The following GPHN variants were observed in gnomAD, a reference collection of about 807,000 sequenced individuals.
GPHN encodes the protein gephyrin.
A neutral mutation model predicts 95.5 loss-of-function variants in GPHN; 17 were observed. The ratio of observed to expected loss-of-function variants is 0.18; its 90% confidence interval spans 0.12 to 0.27. The LOEUF is 0.27. Ranked by LOEUF, GPHN falls within the 10% of genes least tolerant of loss-of-function variation. The pLI is 1.00. For synonymous variants in GPHN, 320 were observed against 322.5 expected (o/e 0.99, Z 0.08); for missense variants, 660 against 978.1 (o/e 0.67, Z 4.34).
the GPHN span, among the ~76,000 whole-genome samples, chr14:67,653,079 G>A: frequency 2.0e-5 from 3 of 152,112 alleles, no homozygotes; most frequent in African/African-American, 7.2e-5. Context: ...ATGAGCCACC[G>A]CACGGGGCTG....
chr14:67,594,049 T>C, the GPHN span: 2 of 781,942 alleles, frequency 2.6e-6, no homozygotes, highest in Admixed American at 2.2e-5. Flanking sequence ...AGGAAATTGC[T>C]TTTATTTGGG....
the GPHN span, among the ~76,000 whole-genome samples, chr14:67,598,713 C>CGTT: frequency 1.4e-5 from 2 of 144,390 alleles, no homozygotes; most frequent in African/African-American, 5.1e-5. Context: ...TATGAACAAA[C>CGTT]TTTTTTTTTT....
At chr14:67,420,138 A>C in the GPHN span, among the ~76,000 whole-genome samples, 1 of 152,292 alleles carries the variant, frequency 6.6e-6, no homozygotes, top group East Asian at 1.9e-4. Flanking sequence ...TGCCCTCTGA[A>C]AGTCCCAGCT....
the GPHN span, among the ~76,000 whole-genome samples, chr14:67,353,292 G>C: frequency 6.6e-6 from 1 of 152,124 alleles, no homozygotes; most frequent in Non-Finnish European, 1.5e-5. Context: ...GGGTCATCTG[G>C]GATCTGCCCT....
chr14:67,184,129 G>C (rs938299086), downstream of GPHN, among the ~76,000 whole-genome samples: 3 of 152,114 alleles, frequency 2.0e-5, no homozygotes, highest in Non-Finnish European at 4.4e-5. Context: ...TCAGCCTACA[G>C]TCTATCTTCT....
the GPHN span, among the ~76,000 whole-genome samples, chr14:67,553,134 T>G: frequency 6.6e-6 from 1 of 151,410 alleles, no homozygotes; most frequent in East Asian, 1.9e-4. Context: ...TTCCATCAGA[T>G]GAAGTCAGAA....
chr14:67,700,532 G>A, the GPHN span, among the ~76,000 whole-genome samples: 1 of 150,776 alleles, frequency 6.6e-6, no homozygotes, highest in African/African-American at 2.4e-5. Flanking sequence ...TGGCTAACAC[G>A]ATGAAACCCC....
At chr14:67,640,864 T>C in the GPHN span, among the ~76,000 whole-genome samples, 2 of 152,184 alleles carry the variant, frequency 1.3e-5, no homozygotes, top group African/African-American at 2.4e-5. Flanking sequence ...ACAAACTGCA[T>C]AGTAAAGGAT....
At position 67,058,668 on chromosome 14, in the gene GPHN, C is replaced by A. The variant is rs1465331000; in HGVS notation, c.1026C>A (p.Ile342=). ...ILRASHSAVD[I]TKVARRHRMS... Reference sequence around the variant, plus strand: ...GTTTAGGTCACAGTGCTGTCGATATCACCAAGGTGGCTAGAAGACATCGCA... The same window carrying A: ...GTTTAGGTCACAGTGCTGTCGATATAACCAAGGTGGCTAGAAGACATCGCA... Residue 342 remains isoleucine, a synonymous_variant, in exon 11 of 23, where the codon ATC becomes ATA. Coordinates refer to ENST00000478722, the MANE Select transcript of GPHN (RefSeq NM_020806.5). 1.2e-6 allele frequency: 2 copies of A among 1,613,164 alleles called. No individual in the cohort carries two copies. The highest frequency in any genetic ancestry group is 2.2e-5 in the East Asian group (1 of 44,870).
intron 2 of GPHN, among the ~76,000 whole-genome samples, chr14:66,705,942 AATT>A (rs1310316913): frequency 6.6e-6 from 1 of 152,180 alleles, no homozygotes; most frequent in African/African-American, 2.4e-5. Context: ...AAACTCTTTA[AATT>A]ATTAAGCAAC....
chr14:66,902,223 G>A (rs894970019), intron 5 of GPHN, among the ~76,000 whole-genome samples: 2 of 151,866 alleles, frequency 1.3e-5, no homozygotes, highest in African/African-American at 2.4e-5. Flanking sequence ...TTGATTTTGT[G>A]TCCTGTAACT....
intron 1 of GPHN, among the ~76,000 whole-genome samples, chr14:66,585,738 A>G (rs1224113260): frequency 6.6e-6 from 1 of 152,126 alleles, no homozygotes; most frequent in South Asian, 2.1e-4. Context: ...GTTTGATTGC[A>G]CTGTGGTCTG....
chr14:66,777,951 A>G (rs1371685224), intron 3 of GPHN, among the ~76,000 whole-genome samples: 4 of 152,124 alleles, frequency 2.6e-5, no homozygotes, highest in African/African-American at 7.2e-5. Context: ...CCTATTCAAC[A>G]TAGTGTTGGA....
At chr14:66,665,409 A>G (rs2065894538) in intron 1 of GPHN, among the ~76,000 whole-genome samples, 1 of 152,240 alleles carries the variant, frequency 6.6e-6, no homozygotes, top group Non-Finnish European at 1.5e-5. Context: ...ACAAGAAGAA[A>G]ACAAACAGCA....
At chr14:67,503,565 C>G in the GPHN span, 1 of 152,228 alleles carries the variant, frequency 6.6e-6, no homozygotes, top group African/African-American at 2.4e-5. Flanking sequence ...CGGGAAATGA[C>G]AGAGGGTAGC....
chr14:67,058,282 C>T (rs931170697), intron 10 of GPHN, among the ~76,000 whole-genome samples: 1 of 152,024 alleles, frequency 6.6e-6, no homozygotes, highest in South Asian at 2.1e-4. Context: ...GAAAATTTTG[C>T]GATTTTGATT....
chr14:67,357,950 T>C, the GPHN span, among the ~76,000 whole-genome samples: 1 of 152,234 alleles, frequency 6.6e-6, no homozygotes, highest in Non-Finnish European at 1.5e-5. Context: ...ACTTCAGAGT[T>C]GGAAGAGATA....
intron 2 of GPHN, among the ~76,000 whole-genome samples, chr14:66,728,723 T>C (rs2071484582): frequency 6.6e-6 from 1 of 152,240 alleles, no homozygotes; most frequent in African/African-American, 2.4e-5. Context: ...TGCTTTTGAT[T>C]TTACTGGCTC....
intron 1 of GPHN, among the ~76,000 whole-genome samples, chr14:66,598,795 C>T (rs1223753972): frequency 1.3e-5 from 2 of 149,904 alleles, no homozygotes; most frequent in Admixed American, 6.7e-5. Flanking sequence ...CTGAGATCAG[C>T]GCCACTGCAC....
Sources: allele counts gnomAD v4.1 joint callset (sites outside exome capture counted in the v4.1 genomes callset), GRCh38; gene constraint gnomAD v4.1.1; transcripts MANE v1.5; gene names NCBI Gene and HGNC (gene_info 2026-07-23, HGNC 2026-07-21).